The following LARP4B variants were observed in gnomAD, a reference collection of about 807,000 sequenced individuals.
LARP4B encodes la-related protein 4B.
Under a neutral mutation model 89.8 loss-of-function variants are expected in LARP4B, and 12 were observed. That is an observed-to-expected ratio of 0.13 (90% CI 0.09 to 0.22). The LOEUF (loss-of-function observed/expected upper bound fraction) is 0.22. LARP4B is among the 10% of genes least tolerant of loss of function. The pLI, the probability that LARP4B is intolerant of heterozygous loss-of-function variation, is 1.00. For missense variants in LARP4B, 757 were observed against 947.7 expected, an observed-to-expected ratio of 0.80 and a Z score of 2.64; for synonymous variants, 367 against 363.3, an observed-to-expected ratio of 1.01 and a Z score of -0.12.
intron 1 of LARP4B, among the ~76,000 whole-genome samples, chr10:899,885 TA>T (rs1399384806): frequency 2.0e-5 from 3 of 152,178 alleles, no homozygotes; most frequent in African/African-American, 7.2e-5. Context: ...TTAAGTACTA[TA>T]TAATCTCCTT....
chr10:808,749 A>ATG (rs1554784866), downstream of LARP4B: 3 of 144,752 alleles, frequency 2.1e-5, no homozygotes, highest in Non-Finnish European at 4.7e-5. Context: ...GTGCGTGTGC[A>ATG]CGCACACACA....
chr10:863,400 ATT>A (rs1279380085), intron 5 of LARP4B, among the ~76,000 whole-genome samples: 1 of 147,278 alleles, frequency 6.8e-6, no homozygotes, highest in Non-Finnish European at 1.5e-5. Context: ...TTTTTTTTGT[ATT>A]TTTTTTTTAG....
At position 829,705 on chromosome 10, in the gene LARP4B, T is replaced by C. The variant is rs746935163; in HGVS notation, c.891A>G (p.Lys297=). ...CCTTAATTGGTTTTCCTTGAAAAGT[T>C]TTGACTTCTTCTCGAAGGTATTTGT... ...QAYKYLREEV[K]TFQGKPIKAR... is the part of the protein sequence containing the mutation. Residue 297 remains lysine, a synonymous_variant, in exon 10 of 18, where the codon AAA becomes AAG. Coordinates refer to ENST00000316157, the MANE Select transcript of LARP4B (RefSeq NM_015155.3). 10 of 1,612,908 alleles carry C rather than the reference T, an allele frequency of 6.2e-6. No homozygotes were observed. In the South Asian group the frequency reaches 1.1e-4, roughly 18 times the overall value.
In LARP4B at chr10:864,231, C is replaced by T. The variant is rs899849544; in HGVS notation, c.181G>A (p.Glu61Lys). The change falls in exon 4 of 18, where the codon GAA becomes AAA. Residue 61 changes from glutamate (E) to lysine (K), a missense_variant. Physicochemically the swap from Glu to Lys is moderately conservative, Grantham distance 56 (BLOSUM62 1). Around this residue, in one of 5 missense-constraint regions of LARP4B, gnomAD observed 175 missense variants for 187.0 expected, o/e 0.94. Transcript: ENST00000316157. ...TGTAACACAGGAGCCCCCCACACTT[C>T]TGCATTAGGGTTCAGCTCTGAAACC... Reference protein sequence around the residue: ...TKVSELNPNAEVWGAPVLHLE... With the variant: ...TKVSELNPNAKVWGAPVLHLE... 1 of 1,614,214 alleles carries T rather than the reference C, an allele frequency of 6.2e-7. No homozygotes were observed. The highest frequency in any genetic ancestry group is 8.5e-7 in the Non-Finnish European group (1 of 1,180,048).
chr10:911,520 A>G (rs556877320), intron 1 of LARP4B, among the ~76,000 whole-genome samples: 1 of 152,324 alleles, frequency 6.6e-6, no homozygotes, highest in African/African-American at 2.4e-5. Context: ...CCTGTCAGAA[A>G]GCTTAAGATC....
intron 14 of LARP4B, chr10:819,121 A>G (rs1832212107): frequency 6.6e-6 from 1 of 152,262 alleles, no homozygotes; most frequent in East Asian, 1.9e-4. Context: ...TATGATGCTC[A>G]AAATGATCCT....
At chr10:867,196 A>G (rs1844900973) in intron 3 of LARP4B, among the ~76,000 whole-genome samples, 1 of 152,240 alleles carries the variant, frequency 6.6e-6, no homozygotes, top group Non-Finnish European at 1.5e-5. Flanking sequence ...AGATGTCACC[A>G]GGAATGAAAG....
At chr10:902,816 T>C (rs968332899) in intron 1 of LARP4B, among the ~76,000 whole-genome samples, 2 of 152,072 alleles carry the variant, frequency 1.3e-5, no homozygotes, top group Non-Finnish European at 2.9e-5. Flanking sequence ...AGCTAGTTTT[T>C]GTATTTTTAG....
chr10:886,893 C>G (rs949525521), intron 1 of LARP4B, among the ~76,000 whole-genome samples: 1 of 152,184 alleles, frequency 6.6e-6, no homozygotes, highest in Admixed American at 6.5e-5. Flanking sequence ...AGTTCGAGAC[C>G]TGTCTGACCA....
the LARP4B span, among the ~76,000 whole-genome samples, chr10:982,853 G>T: frequency 6.6e-6 from 1 of 152,236 alleles, no homozygotes. Flanking sequence ...AAGGAAACAG[G>T]ATAGGAGTTA....
chr10:882,927 C>A (rs1274724095), intron 3 of LARP4B, among the ~76,000 whole-genome samples: 1 of 152,210 alleles, frequency 6.6e-6, no homozygotes, highest in Non-Finnish European at 1.5e-5. Flanking sequence ...AGCACTGCCA[C>A]CTAATCACTA....
intron 15 of LARP4B, among the ~76,000 whole-genome samples, chr10:817,295 C>T (rs1025992495): frequency 6.6e-6 from 1 of 152,192 alleles, no homozygotes; most frequent in Admixed American, 6.5e-5. Context: ...CAGAAGCTAC[C>T]GACACTACAG....
intron 3 of LARP4B, chr10:873,052 T>G (rs1835304040): frequency 2.0e-6 from 2 of 985,318 alleles, no homozygotes; most frequent in Non-Finnish European, 2.4e-6. Flanking sequence ...TTATCTTGTT[T>G]TCTGGTTCCT....
chr10:884,702 T>A (rs1322336285), intron 2 of LARP4B, among the ~76,000 whole-genome samples, 196 bp from the exon 3 acceptor site: 1 of 152,138 alleles, frequency 6.6e-6, no homozygotes, highest in Non-Finnish European at 1.5e-5. Context: ...ATAGATAAAG[T>A]TCTTTGTAGA....
chr10:883,469 C>T (rs1435410218), intron 3 of LARP4B, among the ~76,000 whole-genome samples: 1 of 151,942 alleles, frequency 6.6e-6, no homozygotes, highest in African/African-American at 2.4e-5. Flanking sequence ...AAGATCGCAC[C>T]ATTGCACACC....
chr10:925,970 A>G (rs1029655872), intron 1 of LARP4B, among the ~76,000 whole-genome samples: 1 of 152,268 alleles, frequency 6.6e-6, no homozygotes, highest in Non-Finnish European at 1.5e-5. Context: ...TATAACTTTT[A>G]TACTCTATAA....
chr10:919,895 C>A (rs565169735), intron 1 of LARP4B, among the ~76,000 whole-genome samples: 26 of 152,306 alleles, frequency 1.7e-4, no homozygotes, highest in African/African-American at 6.0e-4. Flanking sequence ...TCTGATTACA[C>A]GATACAAACC....
the LARP4B span, among the ~76,000 whole-genome samples, chr10:944,620 A>C: frequency 2.6e-5 from 4 of 152,238 alleles, no homozygotes; most frequent in African/African-American, 9.6e-5. Flanking sequence ...GTGCCAGGGC[A>C]AACTCCAGCT....
Position 864,180 on chromosome 10 carries a change from C to G in LARP4B, c.232G>C (p.Gly78Arg). ...LHLEASSAAD[G>R]VSAAWEEVAG... is the part of the protein sequence containing the mutation. ...ACCTCCTCCCATGCAGCACTCACAC[C>G]GTCAGCAGCACTGCTTGCTTCCAGA... is the stretch of plus-strand genomic sequence containing the variant. The change falls in exon 4 of 18, where the codon GGT becomes CGT. Residue 78 changes from glycine to arginine, a missense_variant. Gly to Arg is a moderately radical substitution (Grantham distance 125). Around this residue, in one of 5 missense-constraint regions of LARP4B, gnomAD observed 175 missense variants for 187.0 expected, o/e 0.94. Transcript: ENST00000316157. The G allele has an allele frequency of 6.2e-7, 1 of 1,614,232 alleles. No homozygotes were observed. Among genetic ancestry groups the G allele is most frequent in the Non-Finnish European group, 8.5e-7 (1 of 1,180,042 alleles).
Sources: allele counts gnomAD v4.1 joint callset (sites outside exome capture counted in the v4.1 genomes callset), GRCh38; gene constraint gnomAD v4.1.1; regional missense constraint gnomAD v4.1.1; transcripts MANE v1.5; gene names NCBI Gene and HGNC (gene_info 2026-07-23, HGNC 2026-07-21).